The following CLEC2A variants were observed in gnomAD, a reference collection of about 807,000 sequenced individuals.
The protein encoded by CLEC2A is keratinocyte-associated C-type lectin.
A neutral mutation model predicts 18.6 loss-of-function variants in CLEC2A; 19 were observed. The ratio of observed to expected loss-of-function variants is 1.02; its 90% CI spans 0.71 to 1.50. The LOEUF is 1.50. Among genes scored for constraint, CLEC2A ranks in the 40% most tolerant of loss-of-function variants. The pLI is 0.00. For synonymous variants in CLEC2A, 74 were observed against 64.0 expected (o/e 1.16, Z -0.75); for missense variants, 190 against 207.9 (o/e 0.91, Z 0.53).
downstream of CLEC2A, among the ~76,000 whole-genome samples, chr12:9,908,629 CT>C (rs763434275): frequency 1.5e-4 from 23 of 152,296 alleles, no homozygotes; most frequent in African/African-American, 2.2e-4. Context: ...CTGGCCCCCC[CT>C]ATTCTTCCTC....
intron 1 of CLEC2A, 69 bp downstream of exon 1, chr12:9,932,205 AT>A: frequency 1.7e-6 from 2 of 1,146,564 alleles, no homozygotes; most frequent in Non-Finnish European, 2.6e-6. Context: ...AAGAGTCCAT[AT>A]TTTTAAGCTG....
downstream of CLEC2A, among the ~76,000 whole-genome samples, chr12:9,910,434 C>T (rs1355688639): frequency 6.6e-6 from 1 of 152,118 alleles, no homozygotes; most frequent in East Asian, 1.9e-4. Context: ...GGGGCTCAAC[C>T]TCTCCTACTA....
the CLEC2A span, among the ~76,000 whole-genome samples, chr12:9,886,763 C>CAAAAAAAAAAAA: frequency 9.7e-6 from 1 of 103,506 alleles, no homozygotes; most frequent in Non-Finnish European, 1.9e-5. Flanking sequence ...CTATATCATG[C>CAAAAAAAAAAAA]AAAAAAAAAA....
chr12:9,910,540 C>T (rs1325667404), downstream of CLEC2A, among the ~76,000 whole-genome samples: 1 of 152,164 alleles, frequency 6.6e-6, no homozygotes, highest in Admixed American at 6.5e-5. Flanking sequence ...AAGCTTAGCT[C>T]CCCTTTTACT....
chr12:9,899,883 T>C (rs1862802018), intron 4 of CLEC2A, among the ~76,000 whole-genome samples: 1 of 152,182 alleles, frequency 6.6e-6, no homozygotes, highest in Admixed American at 6.5e-5. Context: ...ATCCCTCAGA[T>C]CCAGTTTTCT....
chr12:9,916,786 G>A lies in CLEC2A; in HGVS notation c.324C>T (p.Tyr108=), dbSNP rs113041524. The A allele has an allele frequency of 3.1e-4, 478 of 1,550,188 alleles. 1 individual carries two copies. The African/African-American group carries it at 5.2e-3, about 17-fold the overall frequency. The change falls in exon 4 of 5, where the codon TAC becomes TAT. Residue 108 remains tyrosine, a synonymous_variant. Transcript: ENST00000455827. ...TQEDMEFLKR[Y]AGTDMHWIGL... The stretch of plus-strand genomic sequence containing the variant: ...CAATCCAGTGCATATCAGTTCCTGC[G>A]TACCTCTTCAAAAATTCCTTTCACA...
chr12:9,927,723 G>C (rs1863299588), intron 1 of CLEC2A, among the ~76,000 whole-genome samples: 2 of 152,274 alleles, frequency 1.3e-5, no homozygotes, highest in South Asian at 4.1e-4. Context: ...TGGATTGAGA[G>C]AAGCCAGATT....
At chr12:9,894,151 T>TCTCTCC (rs1555127282), downstream of CLEC2A, among the ~76,000 whole-genome samples, 2 of 147,590 alleles carry the variant, frequency 1.4e-5, no homozygotes, top group East Asian at 4.3e-4. Context: ...TCTCTCTCTC[T>TCTCTCC]CTCCCTCCCT....
At chr12:9,932,150 G>A in intron 1 of CLEC2A, 125 bp downstream of exon 1, 1 of 678,946 alleles carries the variant, frequency 1.5e-6, no homozygotes, top group Non-Finnish European at 2.6e-6. Context: ...CTCCGGAAGT[G>A]CTTCCCCATC....
intron 4 of CLEC2A, chr12:9,899,120 TA>T (rs34475829): frequency 0.24 from 102,782 of 422,896 alleles, 3 homozygotes; most frequent in East Asian, 0.32. Context: ...GCCCTACTAG[TA>T]AAAAAAAAAA....
At chr12:9,888,840 C>T in the CLEC2A span, 1 of 1,020,456 alleles carries the variant, frequency 9.8e-7, no homozygotes, top group Non-Finnish European at 1.5e-6. Context: ...TTTGGCTTCC[C>T]TCTTCCTGGC....
At chr12:9,913,722 G>C (rs1408325250) in intron 4 of CLEC2A, 42 bp from the exon 5 acceptor site, 1 of 1,266,584 alleles carries the variant, frequency 7.9e-7, no homozygotes, top group Non-Finnish European at 1.1e-6. Flanking sequence ...ACCACTTACG[G>C]CTGTAATCAA....
chr12:9,932,160 C>T, intron 1 of CLEC2A, 115 bp downstream of exon 1: 2 of 740,758 alleles, frequency 2.7e-6, no homozygotes, highest in Non-Finnish European at 4.6e-6. Context: ...GCTTCCCCAT[C>T]CCTCACTTAC....
chr12:9,911,955 A>C (rs7953664), downstream of CLEC2A, among the ~76,000 whole-genome samples: 227 of 152,294 alleles, frequency 1.5e-3, no homozygotes, highest in African/African-American at 5.3e-3. Context: ...AACCATACAG[A>C]CATGCAAAGC....
intron 1 of CLEC2A, among the ~76,000 whole-genome samples, chr12:9,926,631 G>A (rs113937790): frequency 1.3e-5 from 2 of 152,142 alleles, no homozygotes; most frequent in Admixed American, 6.5e-5. Flanking sequence ...GGTAGAAATA[G>A]TTTGAATGGG....
At chr12:9,912,434 G>T (rs887849465), downstream of CLEC2A, among the ~76,000 whole-genome samples, 1 of 152,094 alleles carries the variant, frequency 6.6e-6, no homozygotes, top group African/African-American at 2.4e-5. Flanking sequence ...TTGGGGGCAT[G>T]TTTCCCCCAC....
the CLEC2A span, among the ~76,000 whole-genome samples, chr12:9,879,900 G>A: frequency 9.2e-5 from 14 of 152,212 alleles, no homozygotes; most frequent in Non-Finnish European, 1.8e-4. Context: ...ACAGTAAACT[G>A]CATGAGCAGA....
At chr12:9,890,750 C>T in the CLEC2A span, among the ~76,000 whole-genome samples, 121,078 of 152,118 alleles carry the variant, frequency 0.8, 48,210 homozygotes, top group South Asian at 0.85. Flanking sequence ...TGCTGTCTAA[C>T]ATAACCTAAT....
downstream of CLEC2A, among the ~76,000 whole-genome samples, chr12:9,910,170 T>G (rs1355283999): frequency 6.6e-6 from 1 of 152,208 alleles, no homozygotes; most frequent in East Asian, 1.9e-4. Flanking sequence ...CGAGCCCAAA[T>G]GAAGCAAAAA....
Sources: allele counts gnomAD v4.1 joint callset (sites outside exome capture counted in the v4.1 genomes callset), GRCh38; gene constraint gnomAD v4.1.1; transcripts MANE v1.5; gene names NCBI Gene and HGNC (gene_info 2026-07-23, HGNC 2026-07-21).